The following NBPF8 variants were observed in gnomAD, a reference collection of about 807,000 sequenced individuals.
NBPF8 encodes the protein NBPF member 8.
chr1:120,415,739 G>A (rs1570920233), upstream of NBPF8, among the ~76,000 whole-genome samples: 2 of 152,194 alleles, frequency 1.3e-5, no homozygotes, highest in African/African-American at 4.8e-5. Context: ...CTGGTGATGG[G>A]CAACACATGA....
chr1:120,415,041 G>T (rs1426794642), upstream of NBPF8, among the ~76,000 whole-genome samples: 6 of 152,148 alleles, frequency 3.9e-5, no homozygotes, highest in African/African-American at 1.4e-4. Flanking sequence ...CGCCGAGCGG[G>T]ACCCTGAGGA....
At chr1:120,415,171 G>A (rs1387212291), upstream of NBPF8, among the ~76,000 whole-genome samples, 3 of 152,188 alleles carry the variant, frequency 2.0e-5, no homozygotes, top group African/African-American at 7.2e-5. Context: ...TTGGGAACGC[G>A]GGACGGGCGA....
chr1:120,416,670 T>A (rs1164344416), upstream of NBPF8, among the ~76,000 whole-genome samples: 5 of 117,030 alleles, frequency 4.3e-5, no homozygotes, highest in African/African-American at 9.9e-5. Flanking sequence ...CCACCACAGA[T>A]CAAGAAATAG....
At chr1:120,433,508 A>T (rs1352911339), upstream of NBPF8, 1 of 153,700 alleles carries the variant, frequency 6.5e-6, no homozygotes, top group Non-Finnish European at 1.5e-5. Context: ...GTGTCTGTCC[A>T]TCTATCCCTG....
At chr1:120,455,216 G>T (rs1372021232) in intron 15 of NBPF8, among the ~76,000 whole-genome samples, 193 bp from the exon 14 acceptor site, 1 of 152,022 alleles carries the variant, frequency 6.6e-6, no homozygotes, top group South Asian at 2.1e-4. Flanking sequence ...GGAGATTTTG[G>T]CCTGTGGGTC....
In NBPF8 at chr1:120,449,707, C is replaced by G. The variant is rs1553248507; in HGVS notation, n.1971+305C>G. On this transcript the variant is annotated intron_variant and non_coding_transcript_variant, in intron 11 of 24. Transcript: ENST00000583271. ...TCAATCGTGTTTTCAAGAATCCTCTCTACCATATAAGATCCTGCAGACAAA... is the reference window on the plus strand; with the variant it reads ...TCAATCGTGTTTTCAAGAATCCTCTGTACCATATAAGATCCTGCAGACAAA... 3.9e-5 allele frequency among the ~76,000 whole-genome samples: 6 copies of G among 151,932 alleles called. No homozygotes were observed. The East Asian group carries it at 1.2e-3, about 29-fold the overall frequency.
upstream of NBPF8, among the ~76,000 whole-genome samples, chr1:120,431,379 T>TAC (rs1480244943): frequency 1.4e-5 from 1 of 69,504 alleles, no homozygotes. Context: ...TATATATATA[T>TAC]ATATATATAT....
chr1:120,466,447 C>T (rs1203170948), exon 25 of NBPF8: 9 of 488,814 alleles, frequency 1.8e-5, no homozygotes, highest in South Asian at 6.4e-5. Flanking sequence ...CAGCACATGC[C>T]GGGAGTGATC....
chr1:120,415,928 C>T (rs1315561919), upstream of NBPF8, among the ~76,000 whole-genome samples: 14 of 152,236 alleles, frequency 9.2e-5, no homozygotes, highest in Admixed American at 2.0e-4. Context: ...GTCCTTTCTC[C>T]GAAGAGTTAA....
intron 17 of NBPF8, among the ~76,000 whole-genome samples, chr1:120,459,780 G>A (rs1357161144): frequency 6.6e-6 from 1 of 152,324 alleles, no homozygotes; most frequent in South Asian, 2.1e-4. Context: ...TCACGATATT[G>A]AACTCAAGGC....
At chr1:120,452,764 A>T (rs1466577897) in intron 13 of NBPF8, among the ~76,000 whole-genome samples, 7 of 152,178 alleles carry the variant, frequency 4.6e-5, no homozygotes, top group Non-Finnish European at 8.8e-5. Flanking sequence ...GTCTCTTGCA[A>T]GGGTCGAAGC....
exon 1 of NBPF8, chr1:120,436,523 A>G: frequency 3.9e-6 from 6 of 1,525,956 alleles, no homozygotes; most frequent in Non-Finnish European, 5.4e-6. Context: ...AAACGTCAGC[A>G]TGGTGGTATC....
In NBPF8 at chr1:120,449,451, C is replaced by G. The variant is rs200577903; in HGVS notation, n.1971+49C>G. 859 of 1,417,362 alleles carry G rather than the reference C, an allele frequency of 6.1e-4. 2 individuals carry two copies. The East Asian group carries it at 0.017, about 28-fold the overall frequency. The allele number at this position is 1,417,362 out of a possible 1,614,324, so 87.8% of individuals were successfully genotyped here. ...ATGAAAGTGATGAATGATATCCTGT[C>G]TTCTCTCTGAGACACTAAATGCTCT... On this transcript the variant is annotated intron_variant and non_coding_transcript_variant, in intron 11 of 24. Coordinates refer to ENST00000583271, the Ensembl canonical transcript of NBPF8.
exon 23 of NBPF8, chr1:120,464,381 G>C: frequency 1.3e-6 from 1 of 773,098 alleles, no homozygotes; most frequent in Non-Finnish European, 2.3e-6. Context: ...TCCAGGCTCA[G>C]CAGGGAGCTG....
At chr1:120,425,271 G>A (rs1458463924) in intron 1 of NBPF8, among the ~76,000 whole-genome samples, 2 of 152,050 alleles carry the variant, frequency 1.3e-5, no homozygotes, top group South Asian at 2.1e-4. Flanking sequence ...CCTGGGCAAT[G>A]GAATGTCTCG....
chr1:120,421,490 G>C (rs28436269), intron 1 of NBPF8, among the ~76,000 whole-genome samples: 3 of 121,904 alleles, frequency 2.5e-5, no homozygotes, highest in East Asian at 2.3e-4. Context: ...CTCTCTCCCT[G>C]CCTTCCTCCC....
chr1:120,425,093 G>T (rs1450607968), intron 1 of NBPF8, among the ~76,000 whole-genome samples: 1 of 151,064 alleles, frequency 6.6e-6, no homozygotes. Flanking sequence ...ATTGTCCAAG[G>T]TTTCTCCCCA....
upstream of NBPF8, among the ~76,000 whole-genome samples, chr1:120,417,924 A>G (rs1457089614): frequency 3.5e-5 from 3 of 85,092 alleles, no homozygotes; most frequent in East Asian, 7.7e-4. Flanking sequence ...TACTACATGG[A>G]TGTGTCTGCT....
At chr1:120,422,216 T>G (rs112205732) in intron 1 of NBPF8, among the ~76,000 whole-genome samples, 1 of 152,136 alleles carries the variant, frequency 6.6e-6, no homozygotes, top group Non-Finnish European at 1.5e-5. Flanking sequence ...TCATTACAAT[T>G]GATGAACCAC....
Sources: gnomAD v4.1 joint callset for allele counts (sites outside exome capture counted in the v4.1 genomes callset) on GRCh38, gnomAD v4.1.1 for gene constraint, MANE v1.5 for transcripts, NCBI Gene and HGNC (gene_info 2026-07-23, HGNC 2026-07-21) for gene names.